TLE4: variants seen among roughly 807,000 people sequenced by gnomAD.
TLE4 encodes TLE family member 4, transcriptional corepressor, also known as transducin-like enhancer protein 4.
Under a neutral mutation model 92.8 loss-of-function variants are expected in TLE4, and 8 were observed. The ratio of observed to expected loss-of-function variants is 0.09; its 90% CI spans 0.05 to 0.16. TLE4 has a LOEUF of 0.16. Ranked by LOEUF, TLE4 falls within the 10% of genes least tolerant of loss-of-function variation. The probability of loss-of-function intolerance (pLI) is 1.00; values close to 1 mark genes in which losing one functional copy is unlikely to be tolerated. For synonymous variants in TLE4, 371 were observed against 374.1 expected (o/e 0.99, Z 0.10); for missense variants, 675 against 997.6 (o/e 0.68, Z 4.36).
chr9:79,606,331 CTT>C (rs35416123), intron 4 of TLE4, among the ~76,000 whole-genome samples: 94 of 96,032 alleles, frequency 9.8e-4, no homozygotes, highest in East Asian at 5.9e-3. Context: ...TCCAGTCAGG[CTT>C]TTTTTTTTTT....
intron 8 of TLE4, among the ~76,000 whole-genome samples, chr9:79,672,830 GT>G (rs1358539941): frequency 6.6e-6 from 1 of 152,136 alleles, no homozygotes; most frequent in Non-Finnish European, 1.5e-5. Context: ...AGGAGCATGT[GT>G]TTCTGTAGCT....
intron 4 of TLE4, among the ~76,000 whole-genome samples, chr9:79,607,064 A>T (rs1387133391): frequency 1.3e-5 from 2 of 151,774 alleles, no homozygotes; most frequent in Non-Finnish European, 2.9e-5. Flanking sequence ...AATGATCCCC[A>T]CTCTAACTGG....
intron 8 of TLE4, among the ~76,000 whole-genome samples, chr9:79,666,416 T>G (rs1289107824): frequency 2.0e-5 from 3 of 152,084 alleles, no homozygotes; most frequent in Non-Finnish European, 4.4e-5. Context: ...TTTGGTATTT[T>G]TTAGTAAAGA....
rs12171711 is a variant in TLE4 at position 79,645,928 on chromosome 9, G to A, written c.391-6665G>A. Among the ~76,000 whole-genome samples, 1,250 of 152,194 alleles carry A rather than the reference G, an allele frequency of 8.2e-3. 20 individuals are homozygous for A. The highest frequency in any genetic ancestry group is 0.029 in the African/African-American group (1,208 of 41,534). ...AGATAATAAAGGCCTAGGAAGGATA[G>A]TGAGAAGAATTTTGCCATGATACAT... On this transcript the variant is annotated intron_variant, in intron 6 of 19. Transcript: ENST00000376552.
chr9:79,614,781 A>G (rs1358418759), intron 5 of TLE4, among the ~76,000 whole-genome samples: 1 of 152,104 alleles, frequency 6.6e-6, no homozygotes, highest in Non-Finnish European at 1.5e-5. Context: ...TTCTTAAAAC[A>G]GTATGAGATT....
chr9:79,683,075 A>G (rs10867411), intron 8 of TLE4, among the ~76,000 whole-genome samples: 81,027 of 152,072 alleles, frequency 0.53, 24,346 homozygotes, highest in East Asian at 0.74. Context: ...AAAGAAAAAA[A>G]TGTACAAGAC....
intron 8 of TLE4, among the ~76,000 whole-genome samples, chr9:79,694,483 C>T (rs371471142): frequency 1.3e-5 from 2 of 152,102 alleles, no homozygotes; most frequent in African/African-American, 2.4e-5. Flanking sequence ...ATCTTGTTGT[C>T]ATGTGAAAGC....
chr9:79,678,072 T>C (rs1162656983), intron 8 of TLE4, among the ~76,000 whole-genome samples: 1 of 152,110 alleles, frequency 6.6e-6, no homozygotes, highest in Admixed American at 6.6e-5. Context: ...ACGTATGCAG[T>C]CTCTGTCTCA....
At chr9:79,724,478 G>A (rs1428012712) in intron 19 of TLE4, among the ~76,000 whole-genome samples, 1 of 152,082 alleles carries the variant, frequency 6.6e-6, no homozygotes, top group Non-Finnish European at 1.5e-5. Flanking sequence ...CCTAGCTGAT[G>A]TCCCCAGGAC....
intron 4 of TLE4, among the ~76,000 whole-genome samples, chr9:79,587,564 T>C (rs2041435711): frequency 6.6e-6 from 1 of 152,236 alleles, no homozygotes; most frequent in South Asian, 2.1e-4. Context: ...AGATAATTTT[T>C]ATAAGAGGAA....
At chr9:79,612,455 T>C (rs2048579188) in intron 4 of TLE4, among the ~76,000 whole-genome samples, 1 of 152,106 alleles carries the variant, frequency 6.6e-6, no homozygotes, top group South Asian at 2.1e-4. Context: ...TGAATGCTGG[T>C]TAATAAATTG....
At chr9:79,640,376 T>C (rs2056880490) in intron 6 of TLE4, among the ~76,000 whole-genome samples, 1 of 152,174 alleles carries the variant, frequency 6.6e-6, no homozygotes, top group South Asian at 2.1e-4. Context: ...AGGCCCACCA[T>C]GATATTACTA....
chr9:79,706,275 G>T (rs2071537591), intron 10 of TLE4, among the ~76,000 whole-genome samples: 1 of 151,952 alleles, frequency 6.6e-6, no homozygotes, highest in Non-Finnish European at 1.5e-5. Context: ...AAACTCCTGG[G>T]CTAGGATTAC....
intron 4 of TLE4, among the ~76,000 whole-genome samples, chr9:79,609,234 C>G (rs999418965): frequency 1.9e-4 from 29 of 152,012 alleles, no homozygotes; most frequent in African/African-American, 7.0e-4. Context: ...TTCGTTACTA[C>G]CTGGTCATGC....
At chr9:79,627,516 A>G in intron 6 of TLE4, 68 bp downstream of exon 6, 1 of 1,520,662 alleles carries the variant, frequency 6.6e-7, no homozygotes, top group Admixed American at 1.7e-5. Context: ...CTCTCTTTTT[A>G]CATTTTGTTC....
At chr9:79,697,914 T>G (rs1322665406) in intron 8 of TLE4, among the ~76,000 whole-genome samples, 5 of 152,168 alleles carry the variant, frequency 3.3e-5, no homozygotes, top group African/African-American at 1.2e-4. Flanking sequence ...CTTCAAGGTG[T>G]GTATTAATAT....
intron 8 of TLE4, among the ~76,000 whole-genome samples, chr9:79,680,301 G>A (rs2064239447): frequency 6.7e-6 from 1 of 150,038 alleles, no homozygotes; most frequent in Non-Finnish European, 1.5e-5. Flanking sequence ...ATTGAGCAGT[G>A]GTTTGTAGTT....
At chr9:79,665,651 A>G (rs1306948963) in intron 8 of TLE4, among the ~76,000 whole-genome samples, 29 of 152,214 alleles carry the variant, frequency 1.9e-4, no homozygotes, top group Admixed American at 1.9e-3. Context: ...CCCAATCGGG[A>G]TATGGGCCTT....
intron 6 of TLE4, among the ~76,000 whole-genome samples, chr9:79,644,908 G>T (rs575604767): frequency 6.6e-6 from 1 of 152,310 alleles, no homozygotes; most frequent in Non-Finnish European, 1.5e-5. Context: ...TAGTATGGTT[G>T]TGGGCTTGGG....
Sources: gnomAD v4.1 joint callset for allele counts (sites outside exome capture counted in the v4.1 genomes callset) on GRCh38, gnomAD v4.1.1 for gene constraint, MANE v1.5 for transcripts, NCBI Gene and HGNC (gene_info 2026-07-23, HGNC 2026-07-21) for gene names.